Variants in CDC42BPA observed in about 807,000 individuals in gnomAD.
CDC42BPA encodes serine/threonine-protein kinase MRCK alpha.
Under a neutral mutation model 223.5 loss-of-function variants are expected in CDC42BPA, and 80 were observed. That is an observed-to-expected ratio of 0.36 (90% CI 0.30 to 0.43). The LOEUF is 0.43. CDC42BPA is among the 20% of genes least tolerant of loss of function. The pLI is 1.00. For missense variants in CDC42BPA, 1,743 were observed against 2,099.9 expected (o/e 0.83, Z 3.32); for synonymous variants, 694 against 718.6 (o/e 0.97, Z 0.55).
chr1:227,202,118 G>C (rs758081576), intron 3 of CDC42BPA, among the ~76,000 whole-genome samples: 5 of 152,098 alleles, frequency 3.3e-5, no homozygotes, highest in Admixed American at 2.0e-4. Flanking sequence ...GAGTAGCTGG[G>C]ACTACAGGTG....
At chr1:227,304,099 A>C (rs1435421943) in intron 1 of CDC42BPA, among the ~76,000 whole-genome samples, 2 of 152,208 alleles carry the variant, frequency 1.3e-5, no homozygotes, top group African/African-American at 2.4e-5. Context: ...ATGACTACTC[A>C]TATAAGAAAT....
chr1:227,100,049 C>A, intron 15 of CDC42BPA, among the ~76,000 whole-genome samples: 1 of 152,084 alleles, frequency 6.6e-6, no homozygotes, highest in South Asian at 2.1e-4. Flanking sequence ...TAAATTTGGG[C>A]TTCCAATATA....
rs137949785 is a variant in CDC42BPA at position 227,306,310 on chromosome 1, CAT to C, written c.178+10693_178+10694del. 2.2e-3 allele frequency among the ~76,000 whole-genome samples: 332 copies of C among 152,202 alleles called. 9 individuals carry two copies. The East Asian group carries it at 0.046, about 21-fold the overall frequency. On this transcript the variant is annotated intron_variant, in intron 1 of 36. Coordinates refer to ENST00000366766, the MANE Select transcript of CDC42BPA (RefSeq NM_001394014.1). ...GATCCAGGAACGTAACCCATTTGTACATGTTTAATACAGAGAAGTCAACTGAG... is the reference window on the plus strand; with the variant it reads ...GATCCAGGAACGTAACCCATTTGTACGTTTAATACAGAGAAGTCAACTGAG...
intron 23 of CDC42BPA, among the ~76,000 whole-genome samples, chr1:227,042,297 GATAT>G (rs10544091): frequency 0.48 from 70,994 of 147,582 alleles, 17,765 homozygotes; most frequent in East Asian, 0.71. Context: ...ATACATATAT[GATAT>G]ATATATATAT....
At chr1:227,132,365 G>T (rs1016101629) in intron 10 of CDC42BPA, among the ~76,000 whole-genome samples, 2 of 151,966 alleles carry the variant, frequency 1.3e-5, no homozygotes, top group Non-Finnish European at 2.9e-5. Flanking sequence ...GCTCCTAACC[G>T]CGAGTGATCC....
At chr1:227,118,797 C>CT (rs1285877316) in intron 12 of CDC42BPA, among the ~76,000 whole-genome samples, 1 of 151,938 alleles carries the variant, frequency 6.6e-6, no homozygotes, top group East Asian at 1.9e-4. Flanking sequence ...AAATAGAACA[C>CT]TAACAGTTTT....
rs200440295 is a variant in CDC42BPA, at chr1:227,072,279, T to G, written c.2756A>C (p.Lys919Thr). 1 of 1,600,656 alleles carries G rather than the reference T, an allele frequency of 6.2e-7. No individual in the cohort carries two copies. ...ITECKLKDSE[K>T]KNLELLSEIE... ...TTCTGAGAGTAGTTCCAAGTTCTTC[T>G]TCTCTGAATCTTTTAGTTTACTTAA... is the stretch of plus-strand genomic sequence containing the variant. Residue 919 changes from lysine to threonine, a missense_variant, in exon 20 of 37, where the codon AAG becomes ACG. Coordinates refer to ENST00000366766, the MANE Select transcript of CDC42BPA (RefSeq NM_001394014.1).
intron 9 of CDC42BPA, among the ~76,000 whole-genome samples, chr1:227,140,463 A>T (rs1210804466): frequency 6.6e-6 from 1 of 152,086 alleles, no homozygotes; most frequent in Non-Finnish European, 1.5e-5. Flanking sequence ...CAGTTAAGGG[A>T]ATATCAAAAG....
chr1:227,188,937 G>A (rs954311935), intron 5 of CDC42BPA, among the ~76,000 whole-genome samples: 51 of 151,540 alleles, frequency 3.4e-4, no homozygotes, highest in African/African-American at 1.2e-3. Flanking sequence ...GAGGCTGTGC[G>A]TGTGTGTGTG....
chr1:227,245,727 C>G (rs573432002), intron 2 of CDC42BPA, among the ~76,000 whole-genome samples: 2 of 152,294 alleles, frequency 1.3e-5, no homozygotes, highest in African/African-American at 4.8e-5. Flanking sequence ...AGGGAACCGG[C>G]TGCCTTGAAG....
chr1:227,137,779 C>T (rs1225904740), intron 10 of CDC42BPA, among the ~76,000 whole-genome samples: 2 of 151,214 alleles, frequency 1.3e-5, no homozygotes, highest in East Asian at 1.9e-4. Flanking sequence ...CTGTATGATA[C>T]CATTTATATG....
intron 15 of CDC42BPA, 94 bp from the exon 16 acceptor site, chr1:227,092,085 T>C (rs148567232): frequency 7.4e-5 from 49 of 662,484 alleles, no homozygotes; most frequent in Non-Finnish European, 1.2e-4. Context: ...AAACACAAAA[T>C]ATCAGATTGA....
chr1:227,105,642 C>G (rs980070004), intron 14 of CDC42BPA, among the ~76,000 whole-genome samples: 1 of 152,122 alleles, frequency 6.6e-6, no homozygotes, highest in Non-Finnish European at 1.5e-5. Context: ...TCATGAGCCA[C>G]TGCATCGGGC....
In CDC42BPA at chr1:227,279,058, T is replaced by C. The variant is rs1572826018; in HGVS notation, c.179-24903A>G. Among the ~76,000 whole-genome samples, 4 of 152,064 alleles carry C rather than the reference T, an allele frequency of 2.6e-5. No homozygotes were observed. The East Asian group carries it at 7.7e-4, about 29-fold the overall frequency. On this transcript the variant is annotated intron_variant, in intron 1 of 36. Coordinates refer to ENST00000366766, the MANE Select transcript of CDC42BPA (RefSeq NM_001394014.1). ...TTGTAATTTTTTTTATTTAATGAAGTGTTTTGTGCAGAAGGTATTTCCTGA... is the reference window on the plus strand; with the variant it reads ...TTGTAATTTTTTTTATTTAATGAAGCGTTTTGTGCAGAAGGTATTTCCTGA...
intron 22 of CDC42BPA, among the ~76,000 whole-genome samples, chr1:227,051,640 CTAAT>C (rs1673542738): frequency 6.6e-6 from 1 of 152,124 alleles, no homozygotes; most frequent in Non-Finnish European, 1.5e-5. Context: ...ACATGGTTCT[CTAAT>C]TAAAATAAAG....
At chr1:227,183,525 A>C (rs1389339356) in intron 5 of CDC42BPA, 1 of 152,240 alleles carries the variant, frequency 6.6e-6, no homozygotes, top group Non-Finnish European at 1.5e-5. Flanking sequence ...TATATATCAG[A>C]AGTTCATTCC....
At chr1:227,273,475 C>G (rs1686329141) in intron 1 of CDC42BPA, among the ~76,000 whole-genome samples, 2 of 151,118 alleles carry the variant, frequency 1.3e-5, no homozygotes, top group South Asian at 2.1e-4. Context: ...GCTGAGGCTG[C>G]GGTGAGCCGA....
intron 1 of CDC42BPA, among the ~76,000 whole-genome samples, chr1:227,261,708 A>G (rs1402090043): frequency 1.3e-5 from 2 of 152,190 alleles, no homozygotes; most frequent in Admixed American, 1.3e-4. Flanking sequence ...GTTAGGGATC[A>G]TTCGATCCAC....
At chr1:227,088,880 C>T (rs1011323243) in intron 16 of CDC42BPA, among the ~76,000 whole-genome samples, 17 of 152,134 alleles carry the variant, frequency 1.1e-4, no homozygotes, top group African/African-American at 2.2e-4. Flanking sequence ...CACGTGCCAC[C>T]GCACCCGGTT....
Sources: allele counts gnomAD v4.1 joint callset (sites outside exome capture counted in the v4.1 genomes callset), GRCh38; gene constraint gnomAD v4.1.1; transcripts MANE v1.5; gene names NCBI Gene and HGNC (gene_info 2026-07-23, HGNC 2026-07-21).